The following CLASP1 variants were observed in gnomAD, a reference collection of about 807,000 sequenced individuals.
The protein encoded by CLASP1 is cytoplasmic linker associated protein 1.
Under a neutral mutation model 192.3 loss-of-function variants are expected in CLASP1, and 38 were observed. That is an observed-to-expected ratio of 0.20 (90% CI 0.15 to 0.26). CLASP1 has a LOEUF of 0.26. Among genes scored for constraint, CLASP1 ranks in the 10% least tolerant of loss-of-function variants. The pLI is 1.00. For missense variants in CLASP1, 1,433 were observed against 1,932.5 expected (o/e 0.74, Z 4.85); for synonymous variants, 691 against 712.8 (o/e 0.97, Z 0.49).
intron 6 of CLASP1, among the ~76,000 whole-genome samples, chr2:121,517,858 CTTTTTTTTTTT>C (rs70954553): frequency 1.9e-4 from 6 of 30,818 alleles, no homozygotes; most frequent in African/African-American, 7.2e-4. Context: ...AAGACTCAAG[CTTTTTTTTTTT>C]TTTTTTTTTT....
intron 28 of CLASP1, among the ~76,000 whole-genome samples, chr2:121,399,390 C>G (rs1425676833): frequency 6.6e-6 from 1 of 152,180 alleles, no homozygotes; most frequent in African/African-American, 2.4e-5. Context: ...ACTATGTCAA[C>G]AAACCACCCA....
At chr2:121,449,864 C>T (rs879780242) in intron 16 of CLASP1, among the ~76,000 whole-genome samples, 3 of 152,124 alleles carry the variant, frequency 2.0e-5, no homozygotes, top group African/African-American at 4.8e-5. Flanking sequence ...AAAACCGTAA[C>T]GTTGCAGGCT....
chr2:121,364,791 C>G, intron 36 of CLASP1: 1 of 368,724 alleles, frequency 2.7e-6, no homozygotes, highest in South Asian at 3.1e-5. Context: ...AGACCACATT[C>G]TATGCTAATA....
chr2:121,434,141 T>G (rs573733110), intron 19 of CLASP1, among the ~76,000 whole-genome samples: 3 of 152,356 alleles, frequency 2.0e-5, no homozygotes, highest in Admixed American at 1.3e-4. Flanking sequence ...GTCTTAAAAC[T>G]ACTCACATTG....
intron 34 of CLASP1, 140 bp from the exon 36 acceptor site, chr2:121,367,971 C>A (rs2067765348): frequency 9.0e-7 from 1 of 1,107,994 alleles, no homozygotes; most frequent in Non-Finnish European, 1.3e-6. Context: ...ACTAGTACTG[C>A]AATGTAAAAA....
At chr2:121,616,672 C>T (rs1447277357) in intron 1 of CLASP1, among the ~76,000 whole-genome samples, 1 of 152,130 alleles carries the variant, frequency 6.6e-6, no homozygotes. Flanking sequence ...GCAACAATTA[C>T]AATATGATCG....
chr2:121,416,409 T>A (rs1360923278), intron 23 of CLASP1, among the ~76,000 whole-genome samples: 2 of 152,208 alleles, frequency 1.3e-5, no homozygotes, highest in African/African-American at 4.8e-5. Flanking sequence ...GTACTGTCAT[T>A]CTTTTTGTTG....
chr2:121,548,363 A>G (rs1440236793), intron 2 of CLASP1, among the ~76,000 whole-genome samples: 1 of 152,234 alleles, frequency 6.6e-6, no homozygotes, highest in Non-Finnish European at 1.5e-5. Flanking sequence ...AGACAAAAAT[A>G]GTGACAAAAA....
intron 2 of CLASP1, chr2:121,603,071 T>C (rs995700233): frequency 2.0e-5 from 3 of 152,102 alleles, no homozygotes; most frequent in African/African-American, 7.2e-5. Context: ...GGAGACTTTT[T>C]TTTTAAGCCA....
chr2:121,579,086 T>G (rs946003986), intron 2 of CLASP1, among the ~76,000 whole-genome samples: 1 of 152,250 alleles, frequency 6.6e-6, no homozygotes, highest in African/African-American at 2.4e-5. Context: ...GTATTATCCA[T>G]GTCCTTAGAC....
intron 23 of CLASP1, among the ~76,000 whole-genome samples, chr2:121,412,600 T>C (rs11895883): frequency 6.7e-6 from 1 of 148,964 alleles, no homozygotes; most frequent in African/African-American, 2.4e-5. Flanking sequence ...TAATAAAATT[T>C]AAAAAAAAAA....
chr2:121,360,097 G>A (rs1441033263), intron 37 of CLASP1, among the ~76,000 whole-genome samples: 1 of 152,200 alleles, frequency 6.6e-6, no homozygotes, highest in Admixed American at 6.5e-5. Flanking sequence ...CACATAGTCA[G>A]AGCCACAGTG....
chr2:121,642,883 T>C (rs1431030556), intron 1 of CLASP1, among the ~76,000 whole-genome samples: 8 of 152,224 alleles, frequency 5.3e-5, no homozygotes, highest in Admixed American at 2.0e-4. Context: ...AATGGACACA[T>C]GGACAGTCTC....
At chr2:121,349,699 G>A (rs2063999887) in intron 37 of CLASP1, among the ~76,000 whole-genome samples, 1 of 152,178 alleles carries the variant, frequency 6.6e-6, no homozygotes, top group African/African-American at 2.4e-5. Flanking sequence ...CTGTGCTCAC[G>A]ATGACCCCTT....
At chr2:121,556,005 T>C (rs1186704496) in intron 2 of CLASP1, among the ~76,000 whole-genome samples, 1 of 135,376 alleles carries the variant, frequency 7.4e-6, no homozygotes, top group African/African-American at 3.0e-5. Flanking sequence ...TTTTTTTTTT[T>C]TTTTTTTTTT....
rs558119013 is a variant in CLASP1 at position 121,508,643 on chromosome 2, T to A, written c.645-5409A>T. On this transcript the variant is annotated intron_variant, in intron 7 of 39. Transcript: ENST00000263710. Reference sequence around the variant, plus strand: ...TTATTTTTTTTATAAAAGATGGGGTTTCACTAGGTTGCCAAGGCTGAACTA... The same window carrying A: ...TTATTTTTTTTATAAAAGATGGGGTATCACTAGGTTGCCAAGGCTGAACTA... Among the ~76,000 whole-genome samples the A allele has an allele frequency of 2.0e-3, 310 of 152,274 alleles. 1 individual carries two copies. Among genetic ancestry groups the A allele is most frequent in the African/African-American group, 7.1e-3 (297 of 41,558 alleles).
chr2:121,496,551 C>G (rs2093541032), intron 8 of CLASP1, among the ~76,000 whole-genome samples: 1 of 150,622 alleles, frequency 6.6e-6, no homozygotes. Context: ...TACATGCACT[C>G]AAGATTTACT....
intron 14 of CLASP1, among the ~76,000 whole-genome samples, chr2:121,452,481 TTCTACC>T (rs1263427590): frequency 1.3e-5 from 2 of 152,178 alleles, no homozygotes; most frequent in Non-Finnish European, 2.9e-5. Context: ...CCACTTCGGG[TTCTACC>T]TCTACAAAAT....
At chr2:121,425,176 T>C (rs765456340) in exon 22 of CLASP1, 8 of 1,612,488 alleles carry the variant, frequency 5.0e-6, no homozygotes, top group East Asian at 2.2e-5. Context: ...CCCGGCTACA[T>C]CCCTGGCTCC....
Sources: gnomAD v4.1 joint callset for allele counts (sites outside exome capture counted in the v4.1 genomes callset) on GRCh38, gnomAD v4.1.1 for gene constraint, MANE v1.5 for transcripts, NCBI Gene and HGNC (gene_info 2026-07-23, HGNC 2026-07-21) for gene names.